POLA1: variants seen among roughly 807,000 people sequenced by gnomAD.
POLA1 encodes DNA polymerase alpha 1, catalytic subunit.
A neutral mutation model predicts 124.0 loss-of-function variants in POLA1; 15 were observed. The ratio of observed to expected loss-of-function variants is 0.12; its 90% CI spans 0.08 to 0.19. POLA1 has a LOEUF of 0.19. Among genes scored for constraint, POLA1 ranks in the 10% least tolerant of loss-of-function variants. The probability of loss-of-function intolerance (pLI) is 1.00; values close to 1 mark genes in which losing one functional copy is unlikely to be tolerated. For missense variants in POLA1, 886 were observed against 1,103.4 expected (o/e 0.80, Z 2.79); for synonymous variants, 408 against 389.4 (o/e 1.05, Z -0.56).
intron 26 of POLA1, among the ~76,000 whole-genome samples, chrX:24,791,300 G>A (rs1329600353): frequency 8.9e-6 from 1 of 111,840 alleles, no homozygotes; most frequent in Admixed American, 9.5e-5. Context: ...TGCCCAACTG[G>A]TAGTCATCAG....
chrX:24,731,763 AGAGATTGATGCT>A (rs779158465), intron 15 of POLA1, among the ~76,000 whole-genome samples: 3 of 111,275 alleles, frequency 2.7e-5, no homozygotes, highest in Non-Finnish European at 5.6e-5. Flanking sequence ...ACCCAGTTTT[AGAGATTGATGCT>A]GAAATCTTCC....
At position 24,707,855 on chromosome X, in the gene POLA1, G is replaced by A. The variant is rs776455869; in HGVS notation, c.346+3386G>A. On this transcript the variant is annotated intron_variant, in intron 4 of 36. Coordinates refer to ENST00000379068, the MANE Select transcript of POLA1 (RefSeq NM_001330360.2). ...CTAAAAATAGAAAAATTAGTCGGGC[G>A]TGGTGGTGGGCATCTGTAAACCCAG... 7.2e-5 allele frequency among the ~76,000 whole-genome samples: 8 copies of A among 111,496 alleles called. No individual in the cohort carries two copies. The South Asian group carries it at 2.3e-3, about 32-fold the overall frequency.
intron 35 of POLA1, among the ~76,000 whole-genome samples, chrX:24,922,278 A>G (rs1346535699): frequency 9.5e-6 from 1 of 105,490 alleles, no homozygotes; most frequent in Admixed American, 1.0e-4. Context: ...GGGTCTTGCT[A>G]TGTAACCCAG....
At chrX:24,946,942 A>G (rs1448467109) in intron 36 of POLA1, among the ~76,000 whole-genome samples, 3 of 111,659 alleles carry the variant, frequency 2.7e-5, no homozygotes, top group East Asian at 5.6e-4. Flanking sequence ...TTTAGCCCAT[A>G]CCATCTCCTC....
intron 10 of POLA1, among the ~76,000 whole-genome samples, chrX:24,720,647 C>T (rs767167716): frequency 8.9e-5 from 10 of 111,884 alleles, no homozygotes; most frequent in East Asian, 2.8e-4. Context: ...ATATTGCCAG[C>T]GTCAGTTGCC....
intron 26 of POLA1, among the ~76,000 whole-genome samples, chrX:24,797,154 G>C (rs1432774129): frequency 9.0e-6 from 1 of 110,837 alleles, no homozygotes; most frequent in Non-Finnish European, 1.9e-5. Flanking sequence ...ATCTGCTTAT[G>C]CCACTCCCCA....
intron 36 of POLA1, among the ~76,000 whole-genome samples, chrX:24,937,689 A>G (rs1470525222): frequency 8.9e-6 from 1 of 111,962 alleles, no homozygotes; most frequent in Non-Finnish European, 1.9e-5. Flanking sequence ...AGAAATGCAC[A>G]ATATCAGACC....
chrX:24,729,593 A>G (rs1930765063), intron 15 of POLA1, among the ~76,000 whole-genome samples: 1 of 111,982 alleles, frequency 8.9e-6, no homozygotes. Context: ...ATAAATGCTT[A>G]CTTCCTTCTC....
intron 30 of POLA1, among the ~76,000 whole-genome samples, chrX:24,816,974 T>G (rs1021139349): frequency 8.9e-6 from 1 of 112,224 alleles, no homozygotes; most frequent in African/African-American, 3.2e-5. Flanking sequence ...TGGATCCTCA[T>G]GTATTCATTA....
intron 36 of POLA1, among the ~76,000 whole-genome samples, chrX:24,968,615 C>A (rs946073634): frequency 4.0e-4 from 42 of 105,751 alleles, no homozygotes; most frequent in Admixed American, 2.6e-3. Flanking sequence ...AGGCAGGAGA[C>A]TGGTGTGAAC....
Position 24,784,633 on chromosome X carries a change from A to G in POLA1, c.2965-25265A>G, listed in dbSNP as rs188304656. 8.1e-3 allele frequency among the ~76,000 whole-genome samples: 899 copies of G among 110,705 alleles called. 6 individuals are homozygous for G. The highest frequency in any genetic ancestry group is 0.013 in the Non-Finnish European group (669 of 52,902). On this transcript the variant is annotated intron_variant, in intron 26 of 36. Transcript: ENST00000379068. ...CAGGAGGCAGAGGCTGCAGTGAGCCAAGATTGCACCACCACACTCTAGCCT... is the reference window on the plus strand; with the variant it reads ...CAGGAGGCAGAGGCTGCAGTGAGCCGAGATTGCACCACCACACTCTAGCCT...
chrX:24,969,973 A>G (rs1029644612), intron 36 of POLA1, among the ~76,000 whole-genome samples: 1 of 112,377 alleles, frequency 8.9e-6, no homozygotes, highest in African/African-American at 3.2e-5. Flanking sequence ...TTGCAACTCC[A>G]TCCATGTGCC....
chrX:24,912,972 A>T (rs1017165388), intron 35 of POLA1, among the ~76,000 whole-genome samples: 3 of 111,957 alleles, frequency 2.7e-5, no homozygotes, highest in Admixed American at 9.4e-5. Flanking sequence ...AGAGTAATAT[A>T]CACTTAACAT....
At chrX:24,752,993 A>T (rs762345472) in intron 26 of POLA1, among the ~76,000 whole-genome samples, 15 of 110,648 alleles carry the variant, frequency 1.4e-4, no homozygotes, top group Non-Finnish European at 2.3e-4. Context: ...TTTATTGCGA[A>T]ATTTTTTATT....
intron 34 of POLA1, among the ~76,000 whole-genome samples, chrX:24,877,915 G>GT (rs5901765): frequency 3.2e-4 from 31 of 95,742 alleles, no homozygotes; most frequent in Non-Finnish European, 5.6e-4. Context: ...GTTTTTTTTT[G>GT]TTTTTTTTTT....
intron 2 of POLA1, 51 bp from the exon 3 acceptor site, chrX:24,703,200 A>C: frequency 1.1e-6 from 1 of 914,618 alleles, no homozygotes. Context: ...ATTATTTAAC[A>C]CTTTGACTCC....
At chrX:24,904,714 G>A (rs766752859) in intron 35 of POLA1, among the ~76,000 whole-genome samples, 24 of 111,728 alleles carry the variant, frequency 2.1e-4, no homozygotes, top group Admixed American at 6.6e-4. Flanking sequence ...GAAAGCCTTA[G>A]GGAAACAGGC....
chrX:24,796,498 A>G (rs1468841092), intron 26 of POLA1, among the ~76,000 whole-genome samples: 1 of 110,430 alleles, frequency 9.1e-6, no homozygotes, highest in African/African-American at 3.3e-5. Context: ...CAAAGGGAAC[A>G]GAAGGTACTA....
intron 31 of POLA1, among the ~76,000 whole-genome samples, chrX:24,825,065 T>C (rs1308528861): frequency 8.9e-6 from 1 of 111,996 alleles, no homozygotes; most frequent in Non-Finnish European, 1.9e-5. Context: ...TAAATACAAT[T>C]GAGTTGTGTG....
Sources: gnomAD v4.1 joint callset for allele counts (sites outside exome capture counted in the v4.1 genomes callset) on GRCh38, gnomAD v4.1.1 for gene constraint, MANE v1.5 for transcripts, NCBI Gene and HGNC (gene_info 2026-07-23, HGNC 2026-07-21) for gene names.